SRRM2: variants seen among roughly 807,000 people sequenced by gnomAD.
SRRM2 encodes the protein serine/arginine repetitive matrix 2.
In SRRM2, 30 loss-of-function variants were observed where a neutral mutation model predicts 213.8. That is an observed-to-expected ratio of 0.14 (90% CI 0.10 to 0.19). The LOEUF (loss-of-function observed/expected upper bound fraction) is 0.19, where lower values mean the gene tolerates loss of function less well. SRRM2 is among the 10% of genes least tolerant of loss of function. SRRM2 has a pLI of 1.00. For synonymous variants in SRRM2, 2,025 were observed against 1,377.7 expected, an observed-to-expected ratio of 1.47 and a Z score of -10.40; for missense variants, 4,904 against 3,647.0, an observed-to-expected ratio of 1.34 and a Z score of -8.88.
rs745414810 is a variant in SRRM2 at position 2,763,914 on chromosome 16, C to T, written c.3386C>T (p.Ser1129Phe). 2 of 1,614,088 alleles carry T rather than the reference C, an allele frequency of 1.2e-6. No homozygotes were observed. Among genetic ancestry groups the T allele is most frequent in the Non-Finnish European group, 1.7e-6 (2 of 1,180,050 alleles). Residue 1129 changes from serine (S) to phenylalanine (F), a missense_variant, in exon 11 of 15, where the codon TCT becomes TTT. Coordinates refer to ENST00000301740, the MANE Select transcript of SRRM2 (RefSeq NM_016333.4). ...GEFSASPMLK[S>F]GMSPEQSRFQ... is the part of the protein sequence containing the mutation. ...TTCTCAGCGAGTCCTATGTTGAAAT[C>T]TGGAATGTCTCCTGAGCAGAGCAGG...
chr16:2,757,757 G>A (rs2068198097), intron 3 of SRRM2, 24 bp from the exon 4 acceptor site: 4 of 1,611,250 alleles, frequency 2.5e-6, no homozygotes, highest in African/African-American at 2.7e-5. Context: ...ATTTCCTTCA[G>A]ACTTTTGCCC....
At chr16:2,768,658 A>G (rs1190564259) in intron 11 of SRRM2, 2 of 643,354 alleles carry the variant, frequency 3.1e-6, no homozygotes, top group East Asian at 6.4e-5. Context: ...GCCAACCTGC[A>G]CTCACAGGGG....
rs758899562 is a variant in SRRM2, at chr16:2,762,814, C to T, written c.2286C>T (p.Leu762=). Residue 762 remains leucine, a synonymous_variant, in exon 11 of 15, where the codon CTC becomes CTT. Coordinates refer to ENST00000301740, the MANE Select transcript of SRRM2 (RefSeq NM_016333.4). ...TTTCTTCAAGGCGGAGCAGGTCTCT[C>T]TCTTCACCACGGTCCAAAGCAAAAT... ...SRISSRRSRS[L]SSPRSKAKSR... is the part of the protein sequence containing the mutation. 1 of 1,614,210 alleles carries T rather than the reference C, an allele frequency of 6.2e-7. No homozygotes were observed. Among genetic ancestry groups the T allele is most frequent in the South Asian group, 1.1e-5 (1 of 91,082 alleles).
chr16:2,752,848 T>C lies in SRRM2; in HGVS notation c.-32+2T>C, dbSNP rs1046890702. ...GGAGGCGGCGGGCGGAGGCGGCGGG[T>C]GAGAGGGTGAGGGAGCCAGCGAGCC... On this transcript the variant is annotated splice_donor_variant, in intron 1 of 14. Coordinates refer to ENST00000301740, the MANE Select transcript of SRRM2 (RefSeq NM_016333.4). LOFTEE classifies it low-confidence loss of function (5UTR_SPLICE). 10 of 261,120 alleles carry C rather than the reference T, an allele frequency of 3.8e-5. No homozygotes were observed. The highest frequency in any genetic ancestry group is 1.1e-4 in the Admixed American group (2 of 18,484). 16.2% of individuals were successfully genotyped at this position (261,120 alleles called of 1,614,324 possible).
At position 2,765,082 on chromosome 16, in the gene SRRM2, G is replaced by A. The variant is rs762724820; in HGVS notation, c.4554G>A (p.Gly1518=). 3 of 1,614,176 alleles carry A rather than the reference G, an allele frequency of 1.9e-6. No homozygotes were observed. Among genetic ancestry groups the A allele is most frequent in the Non-Finnish European group, 2.5e-6 (3 of 1,180,032 alleles). ...KCLTPQRERS[G]SESSVDQKTV... The stretch of plus-strand genomic sequence containing the variant: ...TTACCCCCCAGAGAGAAAGAAGCGG[G>A]TCAGAATCATCAGTTGATCAGAAAA... The change falls in exon 11 of 15, where the codon GGG becomes GGA. Residue 1518 remains glycine (G), a synonymous_variant. Transcript: ENST00000301740.
chr16:2,768,777 T>G, intron 11 of SRRM2: 1 of 851,630 alleles, frequency 1.2e-6, no homozygotes, highest in Non-Finnish European at 1.9e-6. Context: ...GGTTTAACCT[T>G]GATCCCTTAT....
rs994433814 is a variant in SRRM2, at chr16:2,764,449, G to C, written c.3921G>C (p.Gly1307=). 11 of 1,612,716 alleles carry C rather than the reference G, an allele frequency of 6.8e-6. No homozygotes were observed. Among genetic ancestry groups the C allele is most frequent in the Non-Finnish European group, 9.3e-6 (11 of 1,179,708 alleles). ...EVPSMASSWG[G]PHFSPEHKEL... The stretch of plus-strand genomic sequence containing the variant: ...CTTCAATGGCCTCATCTTGGGGTGG[G>C]CCACATTTTTCTCCAGAACATAAAG... The change falls in exon 11 of 15, where the codon GGG becomes GGC. Residue 1307 remains glycine (G), a synonymous_variant. Transcript: ENST00000301740.
intron 10 of SRRM2, chr16:2,760,713 T>C: frequency 1.8e-6 from 1 of 566,298 alleles, no homozygotes; most frequent in South Asian, 2.1e-5. Context: ...TCTCACTGGA[T>C]GTTAGGTTTT....
Position 2,766,520 on chromosome 16 carries a change from A to G in SRRM2, c.5992A>G (p.Thr1998Ala). The change falls in exon 11 of 15, where the codon ACA (threonine) becomes GCA (alanine). Residue 1998 changes from threonine (T) to alanine (A), a missense_variant. Coordinates refer to ENST00000301740, the MANE Select transcript of SRRM2 (RefSeq NM_016333.4). This position sits in a 1 kb window ranked among gnomAD's most constrained non-coding sequence, Gnocchi z 7.0. ...PVTRRRSRSR[T>A]SPVTRRRSRS... ...CACCCGAAGGAGATCTCGATCTCGC[A>G]CATCTCCAGTAACTCGAAGAAGGTC... is the stretch of plus-strand genomic sequence containing the variant. 1.9e-6 allele frequency: 3 copies of G among 1,614,152 alleles called. No individual in the cohort carries two copies. Among genetic ancestry groups the G allele is most frequent in the Middle Eastern group, 1.6e-4 (1 of 6,062 alleles).
In SRRM2 at chr16:2,763,779, C is replaced by A; in HGVS notation, c.3251C>A (p.Pro1084Gln). 6.2e-7 allele frequency: 1 copy of A among 1,614,170 alleles called. No homozygotes were observed. Among genetic ancestry groups the A allele is most frequent in the South Asian group, 1.1e-5 (1 of 91,086 alleles). The change falls in exon 11 of 15, where the codon CCA becomes CAA. Residue 1084 changes from proline (P) to glutamine (Q), a missense_variant. Transcript: ENST00000301740. ...PEVRQSHSES[P>Q]SLQSKSQTSP... The stretch of plus-strand genomic sequence containing the variant: ...GTGAGACAGAGTCATTCAGAATCAC[C>A]ATCTCTGCAGAGCAAATCTCAAACA...
rs780115639 is a variant in SRRM2, at chr16:2,762,085, A to C, written c.1557A>C (p.Ala519=). 6.4e-5 allele frequency: 104 copies of C among 1,614,116 alleles called. No homozygotes were observed. In the South Asian group the frequency reaches 1.1e-3, roughly 17 times the overall value. Residue 519 remains alanine (A), a synonymous_variant, in exon 11 of 15, where the codon GCA becomes GCC. Transcript: ENST00000301740. Reference sequence around the variant, plus strand: ...CCCAGTGGCGTAGGTCCAGGTCTGCACAGAGGTGGGGAAGATCTAGAAGCC... The same window carrying C: ...CCCAGTGGCGTAGGTCCAGGTCTGCCCAGAGGTGGGGAAGATCTAGAAGCC... The part of the protein sequence containing the change: ...RSPQWRRSRS[A]QRWGRSRSPQ...
Position 2,758,554 on chromosome 16 carries a change from T to A in SRRM2, c.593+7T>A. The A allele has an allele frequency of 6.2e-7, 1 of 1,613,266 alleles. No individual in the cohort carries two copies. The highest frequency in any genetic ancestry group is 8.5e-7 in the Non-Finnish European group (1 of 1,179,296). ...AGAAGAAAGATAGAGGACGGTAAGT[T>A]AGTTGGAAAGTGACTCTGATAGCCA... On this transcript the variant is annotated splice_region_variant and intron_variant, in intron 5 of 14. Coordinates refer to ENST00000301740, the MANE Select transcript of SRRM2 (RefSeq NM_016333.4).
intron 9 of SRRM2, 188 bp downstream of exon 9, chr16:2,759,849 T>C (rs2068276428): frequency 1.7e-6 from 1 of 583,236 alleles, no homozygotes. Context: ...TCTCTTTTTT[T>C]TTTTGTTTTT....
rs765041946 is a variant in SRRM2, at chr16:2,759,577, G to A, written c.749G>A (p.Ser250Asn). Residue 250 changes from serine to asparagine, a missense_variant, in exon 9 of 15, where the codon AGT (serine) becomes AAT (asparagine). By Grantham distance (46) the Ser-to-Asn change is conservative. Transcript: ENST00000301740. Reference sequence around the variant, plus strand: ...TGGTGGTCTTCCTTCAGGTCTCGAAGTACAACACCAGCCCCCAAGAGCCGC... The same window carrying A: ...TGGTGGTCTTCCTTCAGGTCTCGAAATACAACACCAGCCCCCAAGAGCCGC... ...SKDKKRKRSR[S>N]TTPAPKSRRA... 1.9e-6 allele frequency: 3 copies of A among 1,614,176 alleles called. No individual in the cohort carries two copies. Among genetic ancestry groups the A allele is most frequent in the Non-Finnish European group, 2.5e-6 (3 of 1,180,046 alleles).
intron 12 of SRRM2, 110 bp from the exon 13 acceptor site, chr16:2,770,242 G>C (rs987551608): frequency 2.0e-5 from 29 of 1,462,456 alleles, no homozygotes; most frequent in Non-Finnish European, 2.6e-5. Flanking sequence ...GTCTGAGGCT[G>C]GCCCTGTGTG....
rs776489133 is a variant in SRRM2, at chr16:2,764,602, G to A, written c.4074G>A (p.Pro1358=). ...SSEVKEDLNG[P]FLNQLETDPS... The stretch of plus-strand genomic sequence containing the variant: ...AGGTTAAAGAAGATTTGAATGGACC[G>A]TTTCTTAATCAGCTGGAAACAGATC... The change falls in exon 11 of 15, where the codon CCG becomes CCA. Residue 1358 remains proline (P), a synonymous_variant. Coordinates refer to ENST00000301740, the MANE Select transcript of SRRM2 (RefSeq NM_016333.4). The A allele has an allele frequency of 2.7e-5, 43 of 1,614,040 alleles. No individual in the cohort carries two copies. The Admixed American group carries it at 2.8e-4, about 11-fold the overall frequency.
chr16:2,759,734 C>A lies in SRRM2; in HGVS notation c.833+73C>A. ...ATTAATTTAATATTTATTGAGCGCC[C>A]ACGGTGTGCTAGGCGCTGCACAGAC... On this transcript the variant is annotated intron_variant, in intron 9 of 14. Coordinates refer to ENST00000301740, the MANE Select transcript of SRRM2 (RefSeq NM_016333.4). The A allele has an allele frequency of 2.8e-6, 4 of 1,415,098 alleles. No individual in the cohort carries two copies. In the South Asian group the frequency reaches 3.5e-5, roughly 12 times the overall value. The allele number at this position is 1,415,098 out of a possible 1,614,324, so 87.7% of individuals were successfully genotyped here. A position where few individuals can be genotyped will look rare whatever the true frequency, so the allele number is the denominator to read the frequency against.
At chr16:2,759,781 G>T (rs1307788235) in intron 9 of SRRM2, 120 bp downstream of exon 9, 2 of 839,980 alleles carry the variant, frequency 2.4e-6, no homozygotes, top group Non-Finnish European at 3.8e-6. Context: ...CACGGTCCCT[G>T]CCCTCTAGGA....
intron 12 of SRRM2, chr16:2,770,053 C>T: frequency 2.8e-6 from 3 of 1,071,400 alleles, no homozygotes; most frequent in Non-Finnish European, 3.8e-6. Context: ...TCCCCAGAGC[C>T]ACGCACATCC....
Sources: gnomAD v4.1 joint callset for allele counts on GRCh38, gnomAD v4.1.1 for gene constraint, Gnocchi (gnomAD v3.1) non-coding constraint, MANE v1.5 for transcripts, NCBI Gene and HGNC (gene_info 2026-07-23, HGNC 2026-07-21) for gene names.